DNMT3B: variants seen among roughly 807,000 people sequenced by gnomAD.
The protein encoded by DNMT3B is DNA methyltransferase 3 beta.
In DNMT3B, 37 loss-of-function variants were observed where a neutral mutation model predicts 120.2. That is an observed-to-expected ratio of 0.31 (90% confidence interval 0.24 to 0.40). The LOEUF is 0.40. DNMT3B is among the 10% of genes least tolerant of loss of function. The probability of loss-of-function intolerance (pLI) is 1.00; values close to 1 mark genes in which losing one functional copy is unlikely to be tolerated. For missense variants in DNMT3B, 878 were observed against 1,137.3 expected (o/e 0.77, Z 3.28); for synonymous variants, 412 against 442.8 (o/e 0.93, Z 0.87).
In DNMT3B at chr20:32,797,170, T is replaced by G. The variant is rs368946815; in HGVS notation, c.1378-17T>G. 9.9e-6 allele frequency: 16 copies of G among 1,612,590 alleles called. No homozygotes were observed. Among genetic ancestry groups the G allele is most frequent in the Non-Finnish European group, 1.3e-5 (15 of 1,180,044 alleles). On this transcript the variant is annotated splice_polypyrimidine_tract_variant and intron_variant, in intron 13 of 22. Transcript: ENST00000328111. ...CTCTGGTCTCCGATTTCACTGGTGT[T>G]TCTCTCTGGCTGCCAGGATCGCTTC...
chr20:32,786,509 C>T lies in DNMT3B; in HGVS notation c.314C>T (p.Thr105Ile). Residue 105 changes from threonine to isoleucine, a missense_variant, in exon 5 of 23, where the codon ACT becomes ATT. Coordinates refer to ENST00000328111, the MANE Select transcript of DNMT3B (RefSeq NM_006892.4). Reference protein sequence around the residue: ...RTRSESPAVRTRNNNSVSSRE... With the variant: ...RTRSESPAVRIRNNNSVSSRE... ...GTCCTCTCTTGCTTCTAGGTCCGAA[C>T]TCGAAATAACAACAGTGTCTCCAGC... 1.2e-6 allele frequency: 2 copies of T among 1,614,092 alleles called. No individual in the cohort carries two copies. Among genetic ancestry groups the T allele is most frequent in the South Asian group, 1.1e-5 (1 of 91,090 alleles).
At chr20:32,794,178 G>GATGT (rs767512347) in intron 10 of DNMT3B, among the ~76,000 whole-genome samples, 1 of 151,756 alleles carries the variant, frequency 6.6e-6, no homozygotes, top group Non-Finnish European at 1.5e-5. Flanking sequence ...TGGGCAACAG[G>GATGT]ATGTAACCCT....
At chr20:32,792,824 C>G in intron 9 of DNMT3B, 54 bp downstream of exon 9, 1 of 1,611,398 alleles carries the variant, frequency 6.2e-7, no homozygotes, top group Non-Finnish European at 8.5e-7. Flanking sequence ...GGGACCACTT[C>G]TTGGGAGAGT....
Position 32,787,267 on chromosome 20 carries a change from C to T in DNMT3B, c.470C>T (p.Pro157Leu). ...CGGGCAACAGCATCGGCAGGAACGC[C>T]ATGGCCGTCCCCTCCCAGCTCTTAC... ...RRRATASAGT[P>L]WPSPPSSYLT... is the part of the protein sequence containing the mutation. The change falls in exon 6 of 23, where the codon CCA becomes CTA. Residue 157 changes from proline to leucine, a missense_variant. Transcript: ENST00000328111. The T allele has an allele frequency of 1.9e-6, 3 of 1,614,254 alleles. No homozygotes were observed. Among genetic ancestry groups the T allele is most frequent in the Non-Finnish European group, 2.5e-6 (3 of 1,180,056 alleles).
In DNMT3B at chr20:32,781,201, G is replaced by C. The variant is rs1307824795; in HGVS notation, c.143-152G>C. ...AATAAAATCAGTGGAGAAGATGAAC[G>C]ATACTGACGGACTGAGAGCAAATCC... is the stretch of plus-strand genomic sequence containing the variant. On this transcript the variant is annotated intron_variant, in intron 2 of 22. Transcript: ENST00000328111. The C allele has an allele frequency of 3.8e-6, 3 of 791,400 alleles. No individual in the cohort carries two copies. In the South Asian group the frequency reaches 4.4e-5, roughly 12 times the overall value. 49.0% of individuals were successfully genotyped at this position (791,400 alleles called of 1,614,324 possible).
At chr20:32,767,910 T>G (rs927251072) in intron 1 of DNMT3B, among the ~76,000 whole-genome samples, 20 of 152,198 alleles carry the variant, frequency 1.3e-4, no homozygotes, top group African/African-American at 4.6e-4. Context: ...CTGTTGTATG[T>G]GTGTGTTCTG....
Position 32,793,591 on chromosome 20 carries a change from AT to A in DNMT3B, c.1123del (p.Tyr375ThrfsTer215). 6.2e-7 allele frequency: 1 copy of A among 1,614,168 alleles called. No homozygotes were observed. ...GCAGTAGGAAATTAGAATCAAGGAAATACGGTATTTCCTTCCTGTCTTTTGA... is the reference window on the plus strand; with the variant it reads ...GCAGTAGGAAATTAGAATCAAGGAAAACGGTATTTCCTTCCTGTCTTTTGA... ...AGSRKLESRK[Y>X]ENKTRRRTAD... On this transcript the variant is annotated frameshift_variant, in exon 10 of 23. Transcript: ENST00000328111. LOFTEE classifies it high-confidence loss of function.
intron 20 of DNMT3B, among the ~76,000 whole-genome samples, chr20:32,804,710 C>G (rs1364274726): frequency 7.8e-6 from 1 of 128,454 alleles, no homozygotes; most frequent in African/African-American, 3.0e-5. Flanking sequence ...TTTTTTGGAA[C>G]CTTAAGAGAC....
Position 32,786,515 on chromosome 20 carries a change from A to T in DNMT3B, c.320A>T (p.Asn107Ile). ...RSESPAVRTR[N>I]NNSVSSRERH... Reference sequence around the variant, plus strand: ...TCTTGCTTCTAGGTCCGAACTCGAAATAACAACAGTGTCTCCAGCCGGGAG... The same window carrying T: ...TCTTGCTTCTAGGTCCGAACTCGAATTAACAACAGTGTCTCCAGCCGGGAG... Residue 107 changes from asparagine (N) to isoleucine (I), a missense_variant, in exon 5 of 23, where the codon AAT becomes ATT. Asn to Ile is a moderately radical substitution (Grantham distance 149, BLOSUM62 -3). Around this residue, in one of 4 missense-constraint regions of DNMT3B, gnomAD observed 287 missense variants for 306.2 expected, o/e 0.94. Coordinates refer to ENST00000328111, the MANE Select transcript of DNMT3B (RefSeq NM_006892.4). 1 of 1,614,080 alleles carries T rather than the reference A, an allele frequency of 6.2e-7. No homozygotes were observed. The highest frequency in any genetic ancestry group is 8.5e-7 in the Non-Finnish European group (1 of 1,180,044).
chr20:32,789,140 G>A (rs1341958750), intron 7 of DNMT3B, 128 bp downstream of exon 7: 8 of 1,397,608 alleles, frequency 5.7e-6, no homozygotes, highest in Admixed American at 2.3e-5. Context: ...TGTCTGGGAG[G>A]AAGGACAAAA....
chr20:32,784,938 T>C, intron 4 of DNMT3B, 79 bp downstream of exon 4: 2 of 1,376,154 alleles, frequency 1.5e-6, no homozygotes, highest in Non-Finnish European at 2.1e-6. Context: ...ATACATAGCA[T>C]AGCTCCTTAG....
At chr20:32,774,508 C>CTTTT (rs386393640) in intron 1 of DNMT3B, among the ~76,000 whole-genome samples, 33 of 98,520 alleles carry the variant, frequency 3.3e-4, no homozygotes, top group East Asian at 1.5e-3. Flanking sequence ...CGCGCCTGGC[C>CTTTT]TTTTTTTTTT....
In DNMT3B at chr20:32,795,681, G is replaced by T. The variant is rs1568850501; in HGVS notation, c.1284G>T (p.Lys428Asn). The T allele has an allele frequency of 3.1e-6, 5 of 1,614,022 alleles. No homozygotes were observed. The highest frequency in any genetic ancestry group is 4.2e-6 in the Non-Finnish European group (5 of 1,180,052). ...TGGCTTCAGATGTTGCCAACAACAAGAGCAGCCTGGAAGGTAACGTTCTCT... is the reference window on the plus strand; with the variant it reads ...TGGCTTCAGATGTTGCCAACAACAATAGCAGCCTGGAAGGTAACGTTCTCT... ...EQMASDVANN[K>N]SSLEDGCLSC... Residue 428 changes from lysine to asparagine, a missense_variant, in exon 12 of 23, where the codon AAG becomes AAT. By Grantham distance (94) the Lys-to-Asn change is moderately conservative. Around this residue, in one of 4 missense-constraint regions of DNMT3B, gnomAD observed 207 missense variants for 222.6 expected, o/e 0.93. Coordinates refer to ENST00000328111, the MANE Select transcript of DNMT3B (RefSeq NM_006892.4).
intron 12 of DNMT3B, 37 bp downstream of exon 12, chr20:32,795,731 C>T (rs777866682): frequency 1.2e-6 from 2 of 1,612,720 alleles, no homozygotes; most frequent in Admixed American, 3.3e-5. Flanking sequence ...CCCCTCACAC[C>T]CTGGCTAGGG....
intron 16 of DNMT3B, 113 bp from the exon 17 acceptor site, chr20:32,800,040 G>A (rs1378201305): frequency 6.1e-6 from 9 of 1,465,020 alleles, no homozygotes; most frequent in Admixed American, 3.4e-5. Context: ...TGGATTGAAC[G>A]CATGTGATAC....
At chr20:32,789,569 T>C (rs889405201) in intron 7 of DNMT3B, among the ~76,000 whole-genome samples, 5 of 152,190 alleles carry the variant, frequency 3.3e-5, no homozygotes, top group African/African-American at 1.2e-4. Flanking sequence ...TAGGCTGTTT[T>C]GATTCTTACA....
chr20:32,803,034 C>T (rs17123658), intron 20 of DNMT3B, among the ~76,000 whole-genome samples: 8 of 151,850 alleles, frequency 5.3e-5, no homozygotes, highest in African/African-American at 1.9e-4. Context: ...GGAGATGAAG[C>T]GATCTTGGCC....
At chr20:32,780,042 C>A in intron 1 of DNMT3B, 1 of 1,579,390 alleles carries the variant, frequency 6.3e-7, no homozygotes, top group Non-Finnish European at 8.6e-7. Flanking sequence ...GCAGTCTGAG[C>A]CTGAGACCCC....
At chr20:32,800,728 T>C (rs1981228587) in intron 17 of DNMT3B, 107 bp from the exon 18 acceptor site, 1 of 1,268,436 alleles carries the variant, frequency 7.9e-7, no homozygotes, top group Non-Finnish European at 1.2e-6. Flanking sequence ...TTCCTGGGAT[T>C]ACAGGTGTGA....
Sources: allele counts gnomAD v4.1 joint callset (sites outside exome capture counted in the v4.1 genomes callset), GRCh38; gene constraint gnomAD v4.1.1; regional missense constraint gnomAD v4.1.1; transcripts MANE v1.5; gene names NCBI Gene and HGNC (gene_info 2026-07-23, HGNC 2026-07-21).